Variants in SH2D2A observed in about 807,000 individuals in gnomAD.
The protein encoded by SH2D2A is SH2 domain containing 2A, also known as SH2 domain-containing protein 2A.
A neutral mutation model predicts 43.6 loss-of-function variants in SH2D2A; 33 were observed. That is an observed-to-expected ratio of 0.76 (90% CI 0.57 to 1.01). The LOEUF (loss-of-function observed/expected upper bound fraction) is 1.01. SH2D2A is among the 50% of genes least tolerant of loss of function. The pLI, the probability that SH2D2A is intolerant of heterozygous loss-of-function variation, is 0.00. For synonymous variants in SH2D2A, 212 were observed against 206.1 expected (o/e 1.03, Z -0.25); for missense variants, 491 against 503.1 (o/e 0.98, Z 0.23).
chr1:156,808,547 G>A (rs6678281), intron 7 of SH2D2A, among the ~76,000 whole-genome samples: 2,474 of 152,230 alleles, frequency 0.016, 59 homozygotes, highest in African/African-American at 0.057. Flanking sequence ...GGATGGGGAA[G>A]GGTCTGAGGA....
intron 5 of SH2D2A, among the ~76,000 whole-genome samples, chr1:156,813,524 C>T: frequency 6.6e-6 from 1 of 152,062 alleles, no homozygotes; most frequent in East Asian, 1.9e-4. Context: ...CCAGCCTGCG[C>T]GACAGAGCGA....
intron 5 of SH2D2A, among the ~76,000 whole-genome samples, chr1:156,812,267 C>T (rs1168889908): frequency 2.6e-5 from 4 of 152,096 alleles, no homozygotes; most frequent in African/African-American, 9.7e-5. Context: ...GCCATGTCAC[C>T]CCTCAGCTTG....
Position 156,813,900 on chromosome 1 carries a change from G to T in SH2D2A, c.515C>A (p.Ala172Glu). 6.5e-7 allele frequency: 1 copy of T among 1,543,356 alleles called. No individual in the cohort carries two copies. Among genetic ancestry groups the T allele is most frequent in the East Asian group, 2.4e-5 (1 of 42,370 alleles). Reference sequence around the variant, plus strand: ...CTCCCCGTAGGGGCTGAGCGGGTGCGCGGTGTAGTGCAGCAGCAGGTCCTG... The same window carrying T: ...CTCCCCGTAGGGGCTGAGCGGGTGCTCGGTGTAGTGCAGCAGCAGGTCCTG... ...RLQDLLLHYT[A>E]HPLSPYGETL... Residue 172 changes from alanine to glutamate, a missense_variant, in exon 5 of 9, where the codon GCG (alanine) becomes GAG (glutamate). Physicochemically the swap from Ala to Glu is moderately radical, Grantham distance 107 (BLOSUM62 -1). Coordinates refer to ENST00000368199, the MANE Select transcript of SH2D2A (RefSeq NM_003975.4).
intron 2 of SH2D2A, chr1:156,815,601 C>T: frequency 1.6e-6 from 1 of 642,818 alleles, no homozygotes; most frequent in Non-Finnish European, 2.8e-6. Flanking sequence ...TGAGGGAGGG[C>T]TTACTTCATA....
At chr1:156,806,989 A>G (rs1275178407) in intron 8 of SH2D2A, among the ~76,000 whole-genome samples, 186 bp downstream of exon 8, 1 of 152,144 alleles carries the variant, frequency 6.6e-6, no homozygotes, top group Non-Finnish European at 1.5e-5. Flanking sequence ...GCCACGACCA[A>G]TGGATTGGAG....
At position 156,809,392 on chromosome 1, in the gene SH2D2A, T is replaced by A; in HGVS notation, c.813A>T (p.Pro271=). Residue 271 remains proline (P), a synonymous_variant, in exon 7 of 9, where the codon CCA becomes CCT. Transcript: ENST00000368199. This position sits in a 1 kb window ranked among gnomAD's most constrained non-coding sequence, Gnocchi z 4.8. ...TIPVPRHRPA[P]RPKPSNPIYN... ...AGATAGGATTGGAGGGCTTGGGGCG[T>A]GGGGCCGGGCGGTGTCGTGGAACAG... 3 of 1,613,820 alleles carry A rather than the reference T, an allele frequency of 1.9e-6. No homozygotes were observed. The highest frequency in any genetic ancestry group is 2.5e-6 in the Non-Finnish European group (3 of 1,179,958).
intron 5 of SH2D2A, 99 bp downstream of exon 5, chr1:156,813,749 T>C (rs1273097293): frequency 1.4e-5 from 16 of 1,165,104 alleles, no homozygotes; most frequent in Non-Finnish European, 1.7e-5. Flanking sequence ...TGTTTCGGGA[T>C]GAGAAAGTGC....
Position 156,816,029 on chromosome 1 carries a change from A to C in SH2D2A, c.100T>G (p.Cys34Gly). ...FQITDMTRRS[C>G]QNLGYTAASP... ...ACCGCAGTGTAGCCCAGGTTCTGGC[A>C]GCTCCTGCGGGTCATGTCTGTGATC... Residue 34 changes from cysteine (C) to glycine (G), a missense_variant, in exon 2 of 9, where the codon TGC becomes GGC. Physicochemically the swap from Cys to Gly is radical, Grantham distance 159. Transcript: ENST00000368199. 6.2e-7 allele frequency: 1 copy of C among 1,614,062 alleles called. No homozygotes were observed. Among genetic ancestry groups the C allele is most frequent in the Non-Finnish European group, 8.5e-7 (1 of 1,179,976 alleles).
At chr1:156,812,732 G>A (rs551026945) in intron 5 of SH2D2A, among the ~76,000 whole-genome samples, 2 of 152,280 alleles carry the variant, frequency 1.3e-5, no homozygotes, top group African/African-American at 2.4e-5. Context: ...TTGGAAGGTG[G>A]AGCTGCTGGT....
At chr1:156,814,923 T>G (rs1653746357) in intron 3 of SH2D2A, 114 bp downstream of exon 3, 1 of 934,482 alleles carries the variant, frequency 1.1e-6, no homozygotes, top group Non-Finnish European at 1.5e-6. Context: ...GGCGCCTCCA[T>G]CTACTCCAGA....
chr1:156,815,822 C>T (rs1571628044), intron 2 of SH2D2A, 184 bp downstream of exon 2: 16 of 1,614,146 alleles, frequency 9.9e-6, no homozygotes, highest in Non-Finnish European at 1.4e-5. Flanking sequence ...GAGTGGGCAA[C>T]TCGGCGCATG....
At chr1:156,812,091 A>G (rs1413601841) in intron 5 of SH2D2A, among the ~76,000 whole-genome samples, 1 of 151,992 alleles carries the variant, frequency 6.6e-6, no homozygotes, top group Admixed American at 6.6e-5. Context: ...GTCAATGACA[A>G]GTCCATCTTT....
Position 156,816,072 on chromosome 1 carries a change from T to C in SH2D2A, c.57A>G (p.Pro19=). 2 of 1,613,906 alleles carry C rather than the reference T, an allele frequency of 1.2e-6. No individual in the cohort carries two copies. The highest frequency in any genetic ancestry group is 1.1e-5 in the South Asian group (1 of 91,062). Residue 19 remains proline, a synonymous_variant, in exon 2 of 9, where the codon CCA becomes CCG. Transcript: ENST00000368199. The part of the protein sequence containing the change: ...CPQGSHEAPI[P]TFSTFQITDM... ...CTGTGATCTGGAAGGTGCTGAAGGT[T>C]GGGATGGGGGCTTCGTGACTCCCTG...
intron 5 of SH2D2A, among the ~76,000 whole-genome samples, chr1:156,813,388 G>C (rs772762723): frequency 2.6e-5 from 4 of 152,106 alleles, no homozygotes; most frequent in Non-Finnish European, 5.9e-5. Context: ...ACCAGCATTC[G>C]AGGCCTTAGG....
chr1:156,806,859 T>C (rs1653002688), intron 8 of SH2D2A, among the ~76,000 whole-genome samples: 1 of 152,218 alleles, frequency 6.6e-6, no homozygotes, highest in Non-Finnish European at 1.5e-5. Context: ...TAAGGACAAA[T>C]GTAATGCTGC....
intron 3 of SH2D2A, chr1:156,814,636 A>G (rs1004679384): frequency 1.2e-5 from 5 of 423,800 alleles, no homozygotes; most frequent in East Asian, 3.8e-5. Context: ...GAGGAGGTGA[A>G]CAAAGAGTTA....
At chr1:156,814,569 A>C (rs1653711302) in intron 3 of SH2D2A, 1 of 510,678 alleles carries the variant, frequency 2.0e-6, no homozygotes, top group Admixed American at 3.6e-5. Flanking sequence ...CTGCTACTGC[A>C]GCTACAGGGA....
chr1:156,812,453 G>C (rs562058818), intron 5 of SH2D2A, among the ~76,000 whole-genome samples: 1 of 152,234 alleles, frequency 6.6e-6, no homozygotes, highest in South Asian at 2.1e-4. Context: ...GACACACCAA[G>C]TCTCCTCCTG....
In SH2D2A at chr1:156,814,990, G is replaced by A. The variant is rs142673492; in HGVS notation, c.308+47C>T. ...GGCAGGTGGCAGGACCCAGACCCAG[G>A]ACTTGCCCTGCCCCTGTCTGGGCCA... On this transcript the variant is annotated intron_variant, in intron 3 of 8. Transcript: ENST00000368199. 8.1e-3 allele frequency: 11,625 copies of A among 1,429,664 alleles called. 67 individuals are homozygous for A. Among genetic ancestry groups the A allele is most frequent in the Non-Finnish European group, 9.6e-3 (10,376 of 1,080,008 alleles). The allele number at this position is 1,429,664 out of a possible 1,614,324, so 88.6% of individuals were successfully genotyped here. A position where few individuals can be genotyped will look rare whatever the true frequency, so the allele number is the denominator to read the frequency against.
Sources: allele counts gnomAD v4.1 joint callset (sites outside exome capture counted in the v4.1 genomes callset), GRCh38; gene constraint gnomAD v4.1.1; non-coding constraint Gnocchi (gnomAD v3.1); transcripts MANE v1.5; gene names NCBI Gene and HGNC (gene_info 2026-07-23, HGNC 2026-07-21).